SUCLG2: variants seen among roughly 807,000 people sequenced by gnomAD.
The protein encoded by SUCLG2 is succinate--CoA ligase [GDP-forming] subunit beta, mitochondrial.
Under a neutral mutation model 47.9 loss-of-function variants are expected in SUCLG2, and 42 were observed. The ratio of observed to expected loss-of-function variants is 0.88; its 90% CI spans 0.69 to 1.14. SUCLG2 has a LOEUF of 1.14. SUCLG2 is among the 50% of genes most tolerant of loss of function. The probability of loss-of-function intolerance (pLI) is 0.00; values close to 1 mark genes in which losing one functional copy is unlikely to be tolerated. For missense variants in SUCLG2, 571 were observed against 525.9 expected, an observed-to-expected ratio of 1.09 and a Z score of -0.84; for synonymous variants, 195 against 197.3, an observed-to-expected ratio of 0.99 and a Z score of 0.10.
At chr3:67,466,036 G>C (rs1045510318) in intron 9 of SUCLG2, among the ~76,000 whole-genome samples, 2 of 152,042 alleles carry the variant, frequency 1.3e-5, no homozygotes, top group Admixed American at 6.6e-5. Context: ...CAGCCCTTAC[G>C]TTGTATCTGC....
chr3:67,406,922 T>TA (rs1415164685), intron 9 of SUCLG2, among the ~76,000 whole-genome samples: 1 of 152,202 alleles, frequency 6.6e-6, no homozygotes, highest in Non-Finnish European at 1.5e-5. Flanking sequence ...ATTAAGCAGT[T>TA]ACAGTTCAAA....
intron 9 of SUCLG2, among the ~76,000 whole-genome samples, chr3:67,429,186 A>G (rs561282952): frequency 3.9e-5 from 6 of 152,336 alleles, no homozygotes; most frequent in African/African-American, 1.4e-4. Context: ...AAAAAATATT[A>G]AGGGCACCCA....
At chr3:67,559,786 T>C (rs1333296212) in intron 2 of SUCLG2, among the ~76,000 whole-genome samples, 1 of 152,184 alleles carries the variant, frequency 6.6e-6, no homozygotes, top group African/African-American at 2.4e-5. Flanking sequence ...CTCTGTATAA[T>C]GCTATAAGGA....
chr3:67,446,839 A>G (rs1417524362), intron 9 of SUCLG2, among the ~76,000 whole-genome samples: 1 of 152,138 alleles, frequency 6.6e-6, no homozygotes, highest in African/African-American at 2.4e-5. Context: ...TTTATTCACT[A>G]TAATCACTAT....
intron 2 of SUCLG2, among the ~76,000 whole-genome samples, chr3:67,530,640 G>A (rs1044737909): frequency 3.3e-5 from 5 of 152,230 alleles, no homozygotes; most frequent in Non-Finnish European, 7.3e-5. Flanking sequence ...CTCCTTCACT[G>A]CCTTCATTGG....
At position 67,389,229 on chromosome 3, in the gene SUCLG2, C is replaced by A. The variant is rs187024830; in HGVS notation, c.1183+11502G>T. On this transcript the variant is annotated intron_variant, in intron 10 of 10. Coordinates refer to ENST00000307227, the MANE Select transcript of SUCLG2 (RefSeq NM_003848.4). ...ATCTAAGGAATTTAAATCTGTGAAC[C>A]AGAAGAATGATGGCATAGTTGATGG... Among the ~76,000 whole-genome samples the A allele has an allele frequency of 1.1e-3, 169 of 152,114 alleles. 1 individual carries two copies. The highest frequency in any genetic ancestry group is 3.9e-3 in the African/African-American group (160 of 41,506).
chr3:67,555,433 T>C (rs1707133092), intron 2 of SUCLG2, among the ~76,000 whole-genome samples: 1 of 152,184 alleles, frequency 6.6e-6, no homozygotes, highest in Non-Finnish European at 1.5e-5. Flanking sequence ...TGAGATGGCC[T>C]AAAAGCAGTA....
intron 7 of SUCLG2, among the ~76,000 whole-genome samples, chr3:67,501,352 C>T (rs543451966): frequency 2.8e-4 from 42 of 152,092 alleles, no homozygotes; most frequent in Non-Finnish European, 5.3e-4. Context: ...ATATTTGTTA[C>T]GCCTGTTTTA....
chr3:67,469,820 C>T (rs576836344), intron 9 of SUCLG2, among the ~76,000 whole-genome samples: 2 of 149,040 alleles, frequency 1.3e-5, no homozygotes, highest in East Asian at 4.1e-4. Flanking sequence ...CTGAGGCAGC[C>T]CTATCACCTG....
intron 4 of SUCLG2, among the ~76,000 whole-genome samples, chr3:67,522,046 CTATT>C: frequency 1.0e-5 from 1 of 97,630 alleles, no homozygotes; most frequent in East Asian, 2.4e-4. Flanking sequence ...ATTTATTTAT[CTATT>C]TATTTATTTG....
At chr3:67,628,842 G>T (rs1003735198) in intron 1 of SUCLG2, among the ~76,000 whole-genome samples, 1 of 152,098 alleles carries the variant, frequency 6.6e-6, no homozygotes, top group Non-Finnish European at 1.5e-5. Context: ...CTCTTTATTT[G>T]CAGTGTGAAA....
intron 9 of SUCLG2, among the ~76,000 whole-genome samples, chr3:67,443,470 C>G (rs1703828175): frequency 1.3e-5 from 1 of 74,382 alleles, no homozygotes; most frequent in African/African-American, 4.8e-5. Context: ...GCCCGGCCGC[C>G]ACCCCGTCTG....
chr3:67,409,608 TTTACACATAA>T (rs1490791180), intron 9 of SUCLG2, among the ~76,000 whole-genome samples: 5 of 152,280 alleles, frequency 3.3e-5, no homozygotes, highest in East Asian at 1.9e-4. Flanking sequence ...ATGACACATA[TTTACACATAA>T]TTACACATAA....
At chr3:67,395,958 G>A (rs1008473753) in intron 10 of SUCLG2, among the ~76,000 whole-genome samples, 2 of 152,110 alleles carry the variant, frequency 1.3e-5, no homozygotes, top group African/African-American at 2.4e-5. Context: ...AAATAAAGAT[G>A]TTTTTTGAAA....
chr3:67,615,666 T>C (rs533893656), intron 1 of SUCLG2, among the ~76,000 whole-genome samples: 12 of 146,020 alleles, frequency 8.2e-5, no homozygotes, highest in South Asian at 2.1e-4. Flanking sequence ...TCTGATGCTA[T>C]TGTTGTTGAA....
intron 1 of SUCLG2, among the ~76,000 whole-genome samples, chr3:67,623,744 G>C (rs1239143495): frequency 6.6e-6 from 1 of 152,186 alleles, no homozygotes; most frequent in African/African-American, 2.4e-5. Flanking sequence ...AGGAACAACA[G>C]CAGTGTTTTT....
intron 9 of SUCLG2, among the ~76,000 whole-genome samples, chr3:67,468,298 G>A (rs1265879283): frequency 6.6e-6 from 1 of 152,142 alleles, no homozygotes; most frequent in Non-Finnish European, 1.5e-5. Flanking sequence ...AAAAAGTAGG[G>A]CAGCTTTCAA....
intron 1 of SUCLG2, among the ~76,000 whole-genome samples, chr3:67,636,804 CTT>C (rs751775962): frequency 2.5e-4 from 36 of 144,272 alleles, no homozygotes; most frequent in Admixed American, 3.5e-4. Context: ...CTGGCAGTAT[CTT>C]TTTTTTTTTT....
rs769341248 is a variant in SUCLG2, at chr3:67,374,860, ATCTT to A, written c.*880_*883del. 2.5e-4 allele frequency: 244 copies of A among 985,096 alleles called. No individual in the cohort carries two copies. The highest frequency in any genetic ancestry group is 2.7e-4 in the Non-Finnish European group (225 of 829,880). The allele number at this position is 985,096 out of a possible 1,614,324, so 61.0% of individuals were successfully genotyped here. On this transcript the variant is annotated 3_prime_UTR_variant, in exon 11 of 11. Coordinates refer to ENST00000307227, the MANE Select transcript of SUCLG2 (RefSeq NM_003848.4). ...AAAAACACATTCAAATAAGGTTCCC[ATCTT>A]TCTACCATAAACTGGTAGATTCTGG...
Sources: gnomAD v4.1 joint callset for allele counts (sites outside exome capture counted in the v4.1 genomes callset) on GRCh38, gnomAD v4.1.1 for gene constraint, MANE v1.5 for transcripts, NCBI Gene and HGNC (gene_info 2026-07-23, HGNC 2026-07-21) for gene names.